Variants in DCC observed in about 807,000 individuals in gnomAD.
The protein encoded by DCC is DCC netrin 1 receptor, also known as netrin receptor DCC.
A neutral mutation model predicts 172.5 loss-of-function variants in DCC; 58 were observed. The observed-to-expected ratio is 0.34, with a 90% confidence interval of 0.27 to 0.42. The LOEUF is 0.42. Among genes scored for constraint, DCC ranks in the 10% least tolerant of loss-of-function variants. The pLI, the probability that DCC is intolerant of heterozygous loss-of-function variation, is 1.00. For missense variants in DCC, 1,740 were observed against 1,791.0 expected (o/e 0.97, Z 0.51); for synonymous variants, 709 against 644.5 (o/e 1.10, Z -1.52).
intron 5 of DCC, among the ~76,000 whole-genome samples, chr18:52,976,935 A>C (rs2041127807): frequency 6.6e-6 from 1 of 152,188 alleles, no homozygotes; most frequent in African/African-American, 2.4e-5. Flanking sequence ...TGTCCTCTTA[A>C]GTTTGTAAAC....
chr18:52,956,675 G>A (rs1314264687), intron 5 of DCC, among the ~76,000 whole-genome samples: 1 of 152,066 alleles, frequency 6.6e-6, no homozygotes, highest in Non-Finnish European at 1.5e-5. Flanking sequence ...GGACTCTATA[G>A]ATCAAGTTGG....
At chr18:52,736,393 C>A (rs946025311) in intron 1 of DCC, among the ~76,000 whole-genome samples, 1 of 152,018 alleles carries the variant, frequency 6.6e-6, no homozygotes, top group African/African-American at 2.4e-5. Flanking sequence ...TAATTCCTAT[C>A]CCTACCACTA....
rs528485439 is a variant in DCC, at chr18:52,358,040, G to A, written c.91+17162G>A. ...GTTGATAGCATGTACCCCCTGATAT[G>A]ATGTGATAAGGATGGCATTTCACCT... On this transcript the variant is annotated intron_variant, in intron 1 of 28. Transcript: ENST00000442544. 6.6e-5 allele frequency among the ~76,000 whole-genome samples: 10 copies of A among 151,988 alleles called. No individual in the cohort carries two copies. The East Asian group carries it at 1.9e-3, about 29-fold the overall frequency.
At chr18:52,567,970 T>G (rs1233701554) in intron 1 of DCC, among the ~76,000 whole-genome samples, 1 of 152,142 alleles carries the variant, frequency 6.6e-6, no homozygotes, top group Non-Finnish European at 1.5e-5. Context: ...ACAAAACTGA[T>G]GAAATCTGAC....
chr18:53,059,471 G>A (rs1339489215), intron 5 of DCC, among the ~76,000 whole-genome samples: 1 of 152,028 alleles, frequency 6.6e-6, no homozygotes, highest in African/African-American at 2.4e-5. Flanking sequence ...TAAAAGAAAG[G>A]CAGAAGAGCT....
At chr18:53,111,147 G>T (rs1353064904) in intron 7 of DCC, among the ~76,000 whole-genome samples, 4 of 150,392 alleles carry the variant, frequency 2.7e-5, no homozygotes, top group African/African-American at 9.8e-5. Flanking sequence ...GCTATCGCAA[G>T]GACAAAAAAC....
chr18:52,414,771 G>A (rs1986961383), intron 1 of DCC, among the ~76,000 whole-genome samples: 1 of 152,096 alleles, frequency 6.6e-6, no homozygotes, highest in African/African-American at 2.4e-5. Flanking sequence ...TTAATTATAG[G>A]AGCACTATAA....
chr18:53,079,188 A>G (rs2042764562), intron 7 of DCC, among the ~76,000 whole-genome samples: 1 of 152,124 alleles, frequency 6.6e-6, no homozygotes, highest in Non-Finnish European at 1.5e-5. Flanking sequence ...TGATTTCATA[A>G]ATGGAAAAAA....
intron 1 of DCC, among the ~76,000 whole-genome samples, chr18:52,633,284 C>T (rs1045136903): frequency 3.3e-5 from 5 of 152,126 alleles, no homozygotes; most frequent in African/African-American, 1.2e-4. Flanking sequence ...CTCTTCTGGT[C>T]CTTTGCAGGA....
In DCC at chr18:53,150,452, T is replaced by G. The variant is rs890543979; in HGVS notation, c.1262-6904T>G. Among the ~76,000 whole-genome samples, 26 of 152,178 alleles carry G rather than the reference T, an allele frequency of 1.7e-4. 1 individual carries two copies. Among genetic ancestry groups the G allele is most frequent in the Non-Finnish European group, 4.4e-5 (3 of 68,028 alleles). ...TGGCTAACATACACTGTGATAATGA[T>G]GGAGGATTAAAGTGATAAACAGTTT... is the stretch of plus-strand genomic sequence containing the variant. On this transcript the variant is annotated intron_variant, in intron 7 of 28. Transcript: ENST00000442544.
chr18:52,383,253 A>T (rs1429189640), intron 1 of DCC, among the ~76,000 whole-genome samples: 3 of 152,154 alleles, frequency 2.0e-5, no homozygotes, highest in South Asian at 2.1e-4. Context: ...CTCTAAATTT[A>T]TAGGATTGTC....
intron 5 of DCC, among the ~76,000 whole-genome samples, chr18:53,057,272 C>T (rs191727478): frequency 4.0e-5 from 6 of 151,880 alleles, no homozygotes; most frequent in East Asian, 1.9e-4. Flanking sequence ...GGCATAGAAA[C>T]GTTTAAAAAG....
At chr18:53,279,087 T>A (rs941547619) in intron 12 of DCC, among the ~76,000 whole-genome samples, 1 of 152,214 alleles carries the variant, frequency 6.6e-6, no homozygotes, top group Non-Finnish European at 1.5e-5. Flanking sequence ...TTTCCTGGCT[T>A]TTCAATGATC....
In DCC at chr18:52,341,823, A is replaced by G. The variant is rs536006186; in HGVS notation, c.91+945A>G. ...GACCTCACCGCAAGTGTAGATGGGC[A>G]CTGGGGTACAGTGAGCGGTCCTGGC... On this transcript the variant is annotated intron_variant, in intron 1 of 28. Transcript: ENST00000442544. Among the ~76,000 whole-genome samples, 17 of 152,018 alleles carry G rather than the reference A, an allele frequency of 1.1e-4. No homozygotes were observed. The South Asian group carries it at 1.9e-3, about 17-fold the overall frequency.
At chr18:53,266,219 C>G (rs1472896912) in intron 12 of DCC, among the ~76,000 whole-genome samples, 2 of 152,202 alleles carry the variant, frequency 1.3e-5, no homozygotes, top group Non-Finnish European at 2.9e-5. Context: ...CTGTGTACCT[C>G]TACAGCTCAA....
intron 5 of DCC, among the ~76,000 whole-genome samples, chr18:53,024,375 G>C (rs28733454): frequency 2.0e-4 from 31 of 152,230 alleles, no homozygotes; most frequent in African/African-American, 7.2e-4. Context: ...TGCCTCCCTT[G>C]CAATCTCTAA....
At chr18:53,119,347 C>A (rs2043450635) in intron 7 of DCC, among the ~76,000 whole-genome samples, 1 of 151,748 alleles carries the variant, frequency 6.6e-6, no homozygotes, top group African/African-American at 2.4e-5. Flanking sequence ...CTGAAAATAT[C>A]ATTTTTGTGT....
chr18:53,131,961 T>A lies in DCC; in HGVS notation c.1262-25395T>A, dbSNP rs1282309705. On this transcript the variant is annotated intron_variant, in intron 7 of 28. Transcript: ENST00000442544. ...ATCATTGTCTCTAAGTGATTTTTTT[T>A]TTTTTTTTTTTTTTTTTTTTTTTAG... Among the ~76,000 whole-genome samples, 3 of 104,224 alleles carry A rather than the reference T, an allele frequency of 2.9e-5. 1 individual carries two copies. Among genetic ancestry groups the A allele is most frequent in the African/African-American group, 9.3e-5 (2 of 21,404 alleles). 68.4% of individuals were successfully genotyped at this position (104,224 alleles called of 152,430 possible). A position where few individuals can be genotyped will look rare whatever the true frequency, so the allele number is the denominator to read the frequency against.
chr18:53,240,026 T>TAAAAAA (rs68158437), intron 12 of DCC, among the ~76,000 whole-genome samples: 13 of 68,984 alleles, frequency 1.9e-4, no homozygotes, highest in East Asian at 5.0e-4. Flanking sequence ...GTTCTAGAGT[T>TAAAAAA]AAAAAAAAAA....
Sources: gnomAD v4.1 joint callset for allele counts (sites outside exome capture counted in the v4.1 genomes callset) on GRCh38, gnomAD v4.1.1 for gene constraint, MANE v1.5 for transcripts, NCBI Gene and HGNC (gene_info 2026-07-23, HGNC 2026-07-21) for gene names.